SNAP91: variants seen among roughly 807,000 people sequenced by gnomAD.
SNAP91 encodes synaptosome associated protein 91, also known as clathrin coat assembly protein AP180.
Under a neutral mutation model 100.3 loss-of-function variants are expected in SNAP91, and 27 were observed. The ratio of observed to expected loss-of-function variants is 0.27; its 90% CI spans 0.20 to 0.37. The LOEUF (loss-of-function observed/expected upper bound fraction) is 0.37, where lower values mean the gene tolerates loss of function less well. Ranked by LOEUF, SNAP91 falls within the 10% of genes least tolerant of loss-of-function variation. The pLI is 1.00. For missense variants in SNAP91, 986 were observed against 1,123.7 expected, an observed-to-expected ratio of 0.88 and a Z score of 1.75; for synonymous variants, 404 against 398.6, an observed-to-expected ratio of 1.01 and a Z score of -0.16.
chr6:83,616,839 G>A (rs2096512153), intron 10 of SNAP91, 130 bp downstream of exon 10: 3 of 581,014 alleles, frequency 5.2e-6, no homozygotes, highest in Admixed American at 6.6e-5. Flanking sequence ...GGTTCTGAGG[G>A]AGCCCAGAAA....
chr6:83,642,727 A>G (rs1388680912), intron 7 of SNAP91, among the ~76,000 whole-genome samples: 2 of 152,166 alleles, frequency 1.3e-5, no homozygotes, highest in East Asian at 3.8e-4. Context: ...GCTGAGTCAA[A>G]TGGTATTTCT....
Position 83,593,222 on chromosome 6 carries a change from A to G in SNAP91, c.1734T>C (p.Pro578=). ...CTATGCTAGGAGCAGCATCTGGCTT[A>G]GGCGCTGCAGCAACTTCAGGAGTGG... The part of the protein sequence containing the change: ...FESTPEVAAA[P]KPDAAPSIDL... Residue 578 remains proline, a synonymous_variant, in exon 19 of 30, where the codon CCT becomes CCC. Coordinates refer to ENST00000369694, the MANE Select transcript of SNAP91 (RefSeq NM_001242792.2). 6.3e-7 allele frequency: 1 copy of G among 1,596,648 alleles called. No individual in the cohort carries two copies. The highest frequency in any genetic ancestry group is 8.5e-7 in the Non-Finnish European group (1 of 1,171,132).
At position 83,656,798 on chromosome 6, in the gene SNAP91, A is replaced by T. The variant is rs753840587; in HGVS notation, c.614T>A (p.Ile205Asn). The T allele has an allele frequency of 1.2e-6, 2 of 1,607,484 alleles. No individual in the cohort carries two copies. The highest frequency in any genetic ancestry group is 2.2e-5 in the South Asian group (2 of 90,054). ...ATCATTGTAGCAAGCAAAAAGTTTG[A>T]TAAGATCTTTGAAAAGAAGCATAAA... ...AAFMLLFKDLIKLFACYNDGV... is the reference protein window; with the variant it reads ...AAFMLLFKDLNKLFACYNDGV... Residue 205 changes from isoleucine to asparagine, a missense_variant, in exon 7 of 30, where the codon ATC becomes AAC. This residue lies in a region of SNAP91 where 330 missense variants were observed against 447.5 expected (regional missense o/e 0.74). Transcript: ENST00000369694.
intron 2 of SNAP91, among the ~76,000 whole-genome samples, chr6:83,673,344 G>A (rs921298514): frequency 6.6e-6 from 1 of 152,084 alleles, no homozygotes; most frequent in Non-Finnish European, 1.5e-5. Flanking sequence ...TCCCCAGAGA[G>A]CATACTAGTT....
chr6:83,658,893 G>A, intron 6 of SNAP91, 106 bp downstream of exon 6: 2 of 787,770 alleles, frequency 2.5e-6, no homozygotes, highest in Non-Finnish European at 2.0e-6. Context: ...TCTAAATGAA[G>A]ATCTATAGCT....
chr6:83,611,019 C>CCATTTTT (rs2096018941), intron 11 of SNAP91, among the ~76,000 whole-genome samples: 2 of 152,010 alleles, frequency 1.3e-5, no homozygotes, highest in South Asian at 4.2e-4. Context: ...AAAAAACAAA[C>CCATTTTT]TGTCTAAATG....
At chr6:83,581,735 G>C (rs1828839744) in intron 23 of SNAP91, among the ~76,000 whole-genome samples, 1 of 152,128 alleles carries the variant, frequency 6.6e-6, no homozygotes, top group Admixed American at 6.6e-5. Context: ...AGAGTAGAAT[G>C]GAAGAGAATA....
At chr6:83,611,756 G>A (rs990689790) in intron 11 of SNAP91, among the ~76,000 whole-genome samples, 32 of 151,424 alleles carry the variant, frequency 2.1e-4, no homozygotes, top group Non-Finnish European at 2.5e-4. Flanking sequence ...GAGTGCAGTG[G>A]CGCAATCTCA....
intron 29 of SNAP91, among the ~76,000 whole-genome samples, chr6:83,555,505 A>G (rs534655300): frequency 6.6e-6 from 1 of 152,192 alleles, no homozygotes; most frequent in Non-Finnish European, 1.5e-5. Flanking sequence ...CGTGTAAATT[A>G]TGTTCATCCA....
intron 7 of SNAP91, among the ~76,000 whole-genome samples, chr6:83,650,435 T>C (rs1443502900): frequency 6.6e-6 from 1 of 152,194 alleles, no homozygotes; most frequent in Non-Finnish European, 1.5e-5. Flanking sequence ...TTAATTTTTT[T>C]TGAGATGGAG....
intron 11 of SNAP91, among the ~76,000 whole-genome samples, chr6:83,614,012 T>G (rs900334443): frequency 6.6e-6 from 1 of 152,214 alleles, no homozygotes; most frequent in African/African-American, 2.4e-5. Flanking sequence ...GGTTTCACTA[T>G]GAACACAGCA....
chr6:83,622,788 A>G (rs1416999076), intron 9 of SNAP91, among the ~76,000 whole-genome samples: 1 of 151,864 alleles, frequency 6.6e-6, no homozygotes, highest in Non-Finnish European at 1.5e-5. Context: ...TTGCTCATCT[A>G]CCACTACTAT....
At chr6:83,588,605 C>T (rs1203599510) in intron 22 of SNAP91, among the ~76,000 whole-genome samples, 2 of 152,230 alleles carry the variant, frequency 1.3e-5, no homozygotes, top group Non-Finnish European at 2.9e-5. Flanking sequence ...CACCTGGCAG[C>T]AGGTGACAAA....
intron 2 of SNAP91, among the ~76,000 whole-genome samples, chr6:83,681,040 A>G (rs1302695827): frequency 1.3e-5 from 2 of 152,128 alleles, no homozygotes; most frequent in African/African-American, 4.8e-5. Context: ...CCAAAAAAAG[A>G]TTTACAGAAA....
At chr6:83,642,031 A>G (rs1297412173) in intron 7 of SNAP91, among the ~76,000 whole-genome samples, 2 of 152,176 alleles carry the variant, frequency 1.3e-5, no homozygotes, top group Non-Finnish European at 2.9e-5. Flanking sequence ...ATAATTATTG[A>G]CACTGCAGAT....
At chr6:83,582,979 A>C (rs557282115) in intron 22 of SNAP91, among the ~76,000 whole-genome samples, 4 of 152,196 alleles carry the variant, frequency 2.6e-5, no homozygotes, top group Admixed American at 6.5e-5. Context: ...GAAAATGTTG[A>C]CAAAGTTACT....
chr6:83,622,430 T>A (rs1188608949), intron 9 of SNAP91, among the ~76,000 whole-genome samples: 1 of 125,614 alleles, frequency 8.0e-6, no homozygotes, highest in Admixed American at 8.7e-5. Context: ...TATTAACAAG[T>A]AGGTATCTTT....
chr6:83,556,307 G>C (rs1031408176), intron 28 of SNAP91, 62 bp from the exon 29 acceptor site: 31 of 319,848 alleles, frequency 9.7e-5, no homozygotes, highest in Middle Eastern at 5.2e-4. Flanking sequence ...ATGAGACATG[G>C]GGGGAAGAGG....
Position 83,593,181 on chromosome 6 carries a change from C to A in SNAP91, c.1774+1G>T. 6.3e-7 allele frequency: 1 copy of A among 1,584,784 alleles called. No individual in the cohort carries two copies. Among genetic ancestry groups the A allele is most frequent in the Admixed American group, 1.8e-5 (1 of 55,500 alleles). On this transcript the variant is annotated splice_donor_variant, in intron 19 of 29. Coordinates refer to ENST00000369694, the MANE Select transcript of SNAP91 (RefSeq NM_001242792.2). LOFTEE classifies it high-confidence loss of function. Reference sequence around the variant, plus strand: ...AAAAAAAAGGGTTGCTTTGGTTTTACCTGTACTAAACAGGTCTATGCTAGG... The same window carrying A: ...AAAAAAAAGGGTTGCTTTGGTTTTAACTGTACTAAACAGGTCTATGCTAGG...
Sources: allele counts gnomAD v4.1 joint callset (sites outside exome capture counted in the v4.1 genomes callset), GRCh38; gene constraint gnomAD v4.1.1; regional missense constraint gnomAD v4.1.1; transcripts MANE v1.5; gene names NCBI Gene and HGNC (gene_info 2026-07-23, HGNC 2026-07-21).